ABAT: variants seen among roughly 807,000 people sequenced by gnomAD.
The protein encoded by ABAT is 4-aminobutyrate aminotransferase, mitochondrial.
A neutral mutation model predicts 64.6 loss-of-function variants in ABAT; 45 were observed. That is an observed-to-expected ratio of 0.70 (90% CI 0.55 to 0.89). The LOEUF (loss-of-function observed/expected upper bound fraction) is 0.89, where lower values mean the gene tolerates loss of function less well. Among genes scored for constraint, ABAT ranks in the 40% least tolerant of loss-of-function variants. The pLI, the probability that ABAT is intolerant of heterozygous loss-of-function variation, is 0.00. For missense variants in ABAT, 633 were observed against 658.4 expected (o/e 0.96, Z 0.42); for synonymous variants, 297 against 250.5 (o/e 1.19, Z -1.75).
chr16:8,740,142 G>T (rs973220973), intron 2 of ABAT, among the ~76,000 whole-genome samples: 12 of 152,164 alleles, frequency 7.9e-5, no homozygotes. Flanking sequence ...CAGAGCCACA[G>T]AGCTGATGAG....
chr16:8,752,935 A>G (rs1056744765), intron 5 of ABAT, among the ~76,000 whole-genome samples: 2 of 152,160 alleles, frequency 1.3e-5, no homozygotes, highest in African/African-American at 2.4e-5. Flanking sequence ...ATCTCATTAA[A>G]TGGCTACAGC....
intron 2 of ABAT, chr16:8,736,274 G>A: frequency 4.8e-6 from 1 of 208,740 alleles, no homozygotes; most frequent in Non-Finnish European, 9.8e-6. Flanking sequence ...TTTAAGATGA[G>A]ATTTGAATGA....
chr16:8,762,817 C>T (rs2059835152), intron 6 of ABAT, among the ~76,000 whole-genome samples: 1 of 152,014 alleles, frequency 6.6e-6, no homozygotes, highest in Admixed American at 6.6e-5. Context: ...CCTTAAAGTC[C>T]CCTCCAAGGT....
chr16:8,733,396 C>T (rs1377522675), intron 1 of ABAT, among the ~76,000 whole-genome samples: 2 of 151,654 alleles, frequency 1.3e-5, no homozygotes, highest in African/African-American at 4.9e-5. Flanking sequence ...GATGGGCGGC[C>T]AGGCAGAGAC....
intron 3 of ABAT, among the ~76,000 whole-genome samples, chr16:8,747,289 A>G (rs2059361208): frequency 6.6e-6 from 1 of 152,148 alleles, no homozygotes; most frequent in Non-Finnish European, 1.5e-5. Context: ...TTCTTTGCAC[A>G]TTTTGCATAT....
chr16:8,694,376 C>T (rs1248820263), intron 1 of ABAT, among the ~76,000 whole-genome samples: 2 of 151,232 alleles, frequency 1.3e-5, no homozygotes, highest in Admixed American at 6.6e-5. Flanking sequence ...TCACCTTGCA[C>T]GTTTTTTGTT....
At chr16:8,756,012 T>G (rs574444490) in intron 5 of ABAT, among the ~76,000 whole-genome samples, 1 of 151,662 alleles carries the variant, frequency 6.6e-6, no homozygotes, top group Non-Finnish European at 1.5e-5. Flanking sequence ...TTGCTCCACT[T>G]CACTCCAGCC....
At chr16:8,765,047 G>T (rs992724195) in intron 8 of ABAT, among the ~76,000 whole-genome samples, 29 of 152,084 alleles carry the variant, frequency 1.9e-4, no homozygotes, top group Non-Finnish European at 3.8e-4. Flanking sequence ...ACTATGCAAT[G>T]GGGGCTGGGC....
chr16:8,711,789 T>TGGAG (rs2058082307), intron 1 of ABAT, among the ~76,000 whole-genome samples: 1 of 138,856 alleles, frequency 7.2e-6, no homozygotes, highest in Non-Finnish European at 1.5e-5. Flanking sequence ...GATGGGAAGA[T>TGGAG]GGATGGATGG....
At chr16:8,769,394 C>G (rs1488226037) in intron 11 of ABAT, among the ~76,000 whole-genome samples, 1 of 151,692 alleles carries the variant, frequency 6.6e-6, no homozygotes, top group African/African-American at 2.4e-5. Context: ...TGGTGAAACC[C>G]CATCTCTACT....
At chr16:8,743,429 A>AAACAGT (rs1376101974) in intron 2 of ABAT, among the ~76,000 whole-genome samples, 1,071 of 71,574 alleles carry the variant, frequency 0.015, 39 homozygotes, top group African/African-American at 0.046. Flanking sequence ...ACAGTTATAT[A>AAACAGT]TATATATATA....
At chr16:8,779,434 A>G (rs2060366314) in intron 14 of ABAT, 45 bp from the exon 15 acceptor site, 1 of 1,528,122 alleles carries the variant, frequency 6.5e-7, no homozygotes, top group East Asian at 2.2e-5. Context: ...CAGCTGGTAC[A>G]CAGGTGATGG....
At chr16:8,716,801 C>T (rs1301675887) in intron 1 of ABAT, among the ~76,000 whole-genome samples, 1 of 152,152 alleles carries the variant, frequency 6.6e-6, no homozygotes, top group African/African-American at 2.4e-5. Flanking sequence ...ATTGTATGTT[C>T]CTGTGACCAC....
chr16:8,749,937 T>C (rs1596453964), intron 4 of ABAT, among the ~76,000 whole-genome samples: 1 of 151,084 alleles, frequency 6.6e-6, no homozygotes, highest in East Asian at 2.0e-4. Flanking sequence ...CTGGTCTTGA[T>C]CTCCTGACTT....
chr16:8,737,915 G>A (rs1302011227), intron 2 of ABAT, among the ~76,000 whole-genome samples: 3 of 59,296 alleles, frequency 5.1e-5, no homozygotes, highest in Non-Finnish European at 9.8e-5. Context: ...GCAACAGACT[G>A]AGATTAAAAA....
chr16:8,773,074 G>C (rs2060160961), intron 12 of ABAT, among the ~76,000 whole-genome samples, 157 bp downstream of exon 12: 1 of 149,504 alleles, frequency 6.7e-6, no homozygotes, highest in South Asian at 2.1e-4. Flanking sequence ...GTTGGGGTTG[G>C]TGAAAGAATG....
chr16:8,764,811 C>A lies in ABAT; in HGVS notation c.521C>A (p.Thr174Asn). 6.2e-7 allele frequency: 1 copy of A among 1,613,910 alleles called. No individual in the cohort carries two copies. Among genetic ancestry groups the A allele is most frequent in the Non-Finnish European group, 8.5e-7 (1 of 1,179,980 alleles). ...TGCTCCAATGAAAACGCCTTAAAGA[C>A]CATCTTCATGTGGTACCGGGTGAGG... ...GSCSNENALK[T>N]IFMWYRSKER... The change falls in exon 8 of 16, where the codon ACC becomes AAC. Residue 174 changes from threonine to asparagine, a missense_variant. Coordinates refer to ENST00000268251, the MANE Select transcript of ABAT (RefSeq NM_020686.6). The surrounding 1 kb of genome is among the most constrained non-coding windows in gnomAD (Gnocchi z 4.2).
In ABAT at chr16:8,764,944, C is replaced by G. The variant is rs570448649; in HGVS notation, c.540+114C>G. 3.0e-6 allele frequency: 3 copies of G among 1,005,862 alleles called. No individual in the cohort carries two copies. In the East Asian group the frequency reaches 7.6e-5, roughly 25 times the overall value. 62.3% of individuals were successfully genotyped at this position (1,005,862 alleles called of 1,614,324 possible). On this transcript the variant is annotated intron_variant, in intron 8 of 15. Coordinates refer to ENST00000268251, the MANE Select transcript of ABAT (RefSeq NM_020686.6). This position sits in a 1 kb window ranked among gnomAD's most constrained non-coding sequence, Gnocchi z 4.2. The stretch of plus-strand genomic sequence containing the variant: ...TGGGCTGGAGTATTAGACATCAGTA[C>G]CAGGGTTAAAATACAGGGAGGGCCA...
At chr16:8,699,381 A>G (rs2057770681) in intron 1 of ABAT, among the ~76,000 whole-genome samples, 1 of 152,260 alleles carries the variant, frequency 6.6e-6, no homozygotes, top group Non-Finnish European at 1.5e-5. Context: ...AGCCTGGGCA[A>G]CATGGTGAAA....
Sources: gnomAD v4.1 joint callset for allele counts (sites outside exome capture counted in the v4.1 genomes callset) on GRCh38, gnomAD v4.1.1 for gene constraint, Gnocchi (gnomAD v3.1) non-coding constraint, MANE v1.5 for transcripts, NCBI Gene and HGNC (gene_info 2026-07-23, HGNC 2026-07-21) for gene names.